Variants in DUS2 observed in about 807,000 individuals in gnomAD.
The protein encoded by DUS2 is tRNA-dihydrouridine(20) synthase [NAD(P)+]-like.
A neutral mutation model predicts 71.3 loss-of-function variants in DUS2; 52 were observed. The ratio of observed to expected loss-of-function variants is 0.73; its 90% confidence interval spans 0.58 to 0.92. DUS2 has a LOEUF of 0.92. Ranked by LOEUF, DUS2 falls within the 40% of genes least tolerant of loss-of-function variation. The pLI is 0.00. For missense variants in DUS2, 558 were observed against 622.6 expected, an observed-to-expected ratio of 0.90 and a Z score of 1.10; for synonymous variants, 204 against 227.8, an observed-to-expected ratio of 0.90 and a Z score of 0.94.
At chr16:68,077,717 CA>C (rs2034177855) in intron 15 of DUS2, among the ~76,000 whole-genome samples, 1 of 152,200 alleles carries the variant, frequency 6.6e-6, no homozygotes, top group Non-Finnish European at 1.5e-5. Flanking sequence ...AAGCCTCAGC[CA>C]ATGGGGCACA....
chr16:68,067,073 T>TTCCC (rs1333339219), intron 10 of DUS2, among the ~76,000 whole-genome samples: 2 of 74,544 alleles, frequency 2.7e-5, no homozygotes, highest in African/African-American at 5.9e-5. Flanking sequence ...CCTTCCTTCC[T>TTCCC]TCCCTCCCTC....
chr16:68,057,632 C>A (rs1325693622), intron 7 of DUS2, among the ~76,000 whole-genome samples: 2 of 151,744 alleles, frequency 1.3e-5, no homozygotes, highest in Admixed American at 1.3e-4. Flanking sequence ...GTAATCCCAG[C>A]ACTTTGGGAG....
intron 2 of DUS2, among the ~76,000 whole-genome samples, chr16:68,035,929 T>TATATATATATATACAC (rs1416625748): frequency 1.8e-5 from 2 of 108,564 alleles, no homozygotes; most frequent in African/African-American, 7.8e-5. Context: ...TATATATATA[T>TATATATATATATACAC]ACACACATAC....
chr16:68,079,073 AGTTT>A lies in DUS2; in HGVS notation c.*89_*92del. ...CAGCATGAACCAGATGCCGTTGAAC[AGTTT>A]GCTGGTCTTGCCTGGCAGAAGTTAG... On this transcript the variant is annotated 3_prime_UTR_variant, in exon 17 of 17. Coordinates refer to ENST00000565263, the MANE Select transcript of DUS2 (RefSeq NM_017803.5). The A allele has an allele frequency of 8.1e-7, 1 of 1,240,100 alleles. No homozygotes were observed. 76.8% of individuals were successfully genotyped at this position (1,240,100 alleles called of 1,614,324 possible).
chr16:68,038,292 T>G, intron 3 of DUS2, 143 bp downstream of exon 3: 1 of 1,186,572 alleles, frequency 8.4e-7, no homozygotes, highest in Non-Finnish European at 1.2e-6. Flanking sequence ...GAGACAAACA[T>G]GTGTGACACT....
At chr16:68,064,625 A>G (rs963801377) in intron 8 of DUS2, among the ~76,000 whole-genome samples, 12 of 152,326 alleles carry the variant, frequency 7.9e-5, no homozygotes, top group Non-Finnish European at 1.5e-4. Context: ...GTATTTCTTG[A>G]TGAACCTGTC....
Position 68,038,161 on chromosome 16 carries a change from T to A in DUS2, c.126+12T>A, listed in dbSNP as rs758723834. 6.2e-7 allele frequency: 1 copy of A among 1,612,654 alleles called. No individual in the cohort carries two copies. The highest frequency in any genetic ancestry group is 1.3e-5 in the African/African-American group (1 of 74,784). ...TTGTTTACTGTGAGGTAAGGGGCTC[T>A]GATTTTCTGGGTGGGCTTCTCCACA... On this transcript the variant is annotated intron_variant, in intron 3 of 16. Coordinates refer to ENST00000565263, the MANE Select transcript of DUS2 (RefSeq NM_017803.5).
At chr16:68,031,994 C>T (rs369852501) in intron 2 of DUS2, among the ~76,000 whole-genome samples, 3 of 152,176 alleles carry the variant, frequency 2.0e-5, no homozygotes, top group African/African-American at 7.2e-5. Context: ...CTCGCCCAGC[C>T]AAGGTTACTG....
intron 14 of DUS2, among the ~76,000 whole-genome samples, chr16:68,076,248 C>T (rs1216271149): frequency 3.9e-5 from 6 of 152,178 alleles, no homozygotes; most frequent in Admixed American, 3.3e-4. Context: ...TGAGCTAGAT[C>T]CCCGAGACCA....
At chr16:68,077,806 C>T (rs1022406620) in intron 15 of DUS2, 5 of 152,800 alleles carry the variant, frequency 3.3e-5, no homozygotes, top group African/African-American at 4.8e-5. Flanking sequence ...GTCCTTGCAG[C>T]CATGCCTTCC....
chr16:68,029,266 G>A (rs1312166941), intron 2 of DUS2, among the ~76,000 whole-genome samples: 2 of 149,934 alleles, frequency 1.3e-5, no homozygotes, highest in Non-Finnish European at 3.0e-5. Flanking sequence ...TTTACTTTTT[G>A]TCATGTGCAT....
chr16:68,034,294 G>C (rs2033485032), intron 2 of DUS2, among the ~76,000 whole-genome samples: 2 of 152,052 alleles, frequency 1.3e-5, no homozygotes, highest in African/African-American at 4.8e-5. Context: ...CCAACTCCAA[G>C]CTGATCTCCC....
intron 14 of DUS2, among the ~76,000 whole-genome samples, chr16:68,075,712 A>T (rs891329103): frequency 4.6e-5 from 7 of 152,002 alleles, no homozygotes; most frequent in Non-Finnish European, 1.0e-4. Context: ...AGGATAACTG[A>T]ACTCTACTTT....
At chr16:68,074,879 C>T (rs2034135879) in intron 13 of DUS2, among the ~76,000 whole-genome samples, 2 of 152,224 alleles carry the variant, frequency 1.3e-5, no homozygotes, top group South Asian at 4.1e-4. Context: ...TCAGTCCCTA[C>T]CCCACATAAC....
intron 3 of DUS2, among the ~76,000 whole-genome samples, chr16:68,048,604 C>T (rs890060447): frequency 1.2e-4 from 18 of 152,164 alleles, no homozygotes; most frequent in Non-Finnish European, 2.2e-4. Context: ...GGGTATGCTG[C>T]GGGAAGTCCC....
At chr16:68,026,688 CA>C (rs1238650040) in intron 2 of DUS2, among the ~76,000 whole-genome samples, 1 of 152,006 alleles carries the variant, frequency 6.6e-6, no homozygotes, top group East Asian at 1.9e-4. Context: ...ACCAGTCTGG[CA>C]AACGTGGTGA....
intron 10 of DUS2, among the ~76,000 whole-genome samples, 179 bp from the exon 11 acceptor site, chr16:68,069,955 A>C (rs1443528946): frequency 6.6e-6 from 1 of 152,108 alleles, no homozygotes; most frequent in Non-Finnish European, 1.5e-5. Flanking sequence ...CCTGCCCCTC[A>C]CAGTTCTCCA....
At chr16:68,049,890 AC>A (rs1362422644) in intron 4 of DUS2, among the ~76,000 whole-genome samples, 1 of 152,166 alleles carries the variant, frequency 6.6e-6, no homozygotes, top group African/African-American at 2.4e-5. Context: ...AGGCCATATG[AC>A]CTCTGTCTGC....
chr16:68,029,030 C>T (rs1227781621), intron 2 of DUS2, among the ~76,000 whole-genome samples: 4 of 152,042 alleles, frequency 2.6e-5, no homozygotes, highest in African/African-American at 9.7e-5. Flanking sequence ...AAGACTGTAT[C>T]GCTACAGAAA....
Sources: allele counts gnomAD v4.1 joint callset (sites outside exome capture counted in the v4.1 genomes callset), GRCh38; gene constraint gnomAD v4.1.1; transcripts MANE v1.5; gene names NCBI Gene and HGNC (gene_info 2026-07-23, HGNC 2026-07-21).